OTUD7A: variants seen among roughly 807,000 people sequenced by gnomAD.
The protein encoded by OTUD7A is OTU domain-containing protein 7A.
In OTUD7A, 12 loss-of-function variants were observed where a neutral mutation model predicts 65.7. The observed-to-expected ratio is 0.18, with a 90% confidence interval of 0.12 to 0.30. The LOEUF (loss-of-function observed/expected upper bound fraction) is 0.30. Among genes scored for constraint, OTUD7A ranks in the 10% least tolerant of loss-of-function variants. The pLI is 1.00. For missense variants in OTUD7A, 1,148 were observed against 1,304.8 expected, an observed-to-expected ratio of 0.88 and a Z score of 1.85; for synonymous variants, 641 against 586.3, an observed-to-expected ratio of 1.09 and a Z score of -1.35.
chr15:31,767,348 T>C lies in OTUD7A; in HGVS notation c.-100+103159A>G, dbSNP rs190764595. 5,591 of 776,412 alleles carry C rather than the reference T, an allele frequency of 7.2e-3. 34 individuals carry two copies. Among genetic ancestry groups the C allele is most frequent in the Non-Finnish European group, 1.0e-2 (4,199 of 421,932 alleles). 48.1% of individuals were successfully genotyped at this position (776,412 alleles called of 1,614,324 possible). ...GTAATTCGTAATATTCAAAAGTAAGTAGAGGTTCAGGGAGATCTAGAAAAT... is the reference window on the plus strand; with the variant it reads ...GTAATTCGTAATATTCAAAAGTAAGCAGAGGTTCAGGGAGATCTAGAAAAT... On this transcript the variant is annotated intron_variant, in intron 1 of 12. Transcript: ENST00000307050.
intron 3 of OTUD7A, among the ~76,000 whole-genome samples, chr15:31,582,307 A>G (rs1889397133): frequency 6.6e-6 from 1 of 152,092 alleles, no homozygotes; most frequent in African/African-American, 2.4e-5. Flanking sequence ...ACTTTCCCAC[A>G]TTTTCCTGTC....
intron 1 of OTUD7A, among the ~76,000 whole-genome samples, chr15:31,830,074 T>C (rs1468558672): frequency 6.6e-6 from 1 of 152,184 alleles, no homozygotes; most frequent in Non-Finnish European, 1.5e-5. Flanking sequence ...TACAGTCTCA[T>C]CACCACCATC....
chr15:31,757,304 C>T (rs565200270), intron 1 of OTUD7A, among the ~76,000 whole-genome samples: 7 of 151,454 alleles, frequency 4.6e-5, no homozygotes, highest in South Asian at 2.1e-4. Context: ...ATGGAAATGG[C>T]GCCTTCCTCA....
At chr15:31,495,731 T>C (rs2041373301) in intron 10 of OTUD7A, among the ~76,000 whole-genome samples, 1 of 152,226 alleles carries the variant, frequency 6.6e-6, no homozygotes, top group African/African-American at 2.4e-5. Flanking sequence ...GGGAGACTAA[T>C]TACAAACGTA....
At chr15:31,636,033 T>C (rs1891330762) in intron 3 of OTUD7A, among the ~76,000 whole-genome samples, 1 of 152,248 alleles carries the variant, frequency 6.6e-6, no homozygotes, top group African/African-American at 2.4e-5. Flanking sequence ...AATCGCTTTA[T>C]ACAATTGACA....
chr15:31,667,944 T>A (rs1001009198), intron 1 of OTUD7A, among the ~76,000 whole-genome samples: 1 of 152,192 alleles, frequency 6.6e-6, no homozygotes, highest in Non-Finnish European at 1.5e-5. Context: ...TGAAAATGGT[T>A]TCATTTGAGG....
At chr15:31,628,361 A>G (rs767792578) in intron 3 of OTUD7A, among the ~76,000 whole-genome samples, 183 of 152,234 alleles carry the variant, frequency 1.2e-3, no homozygotes, top group Non-Finnish European at 2.0e-3. Context: ...TCCTTTCCCC[A>G]TTGCTTGTTT....
chr15:31,526,410 G>T lies in OTUD7A; in HGVS notation c.832C>A (p.Leu278Met). ...EEWEREWTEL[L>M]KLASSEPRTH... ...CGCGGCTCGCTGGAGGCCAGCTTCA[G>T]CAGCTCCGTCCACTCCCGCTCCCAC... Residue 278 changes from leucine (L) to methionine (M), a missense_variant, in exon 8 of 13, where the codon CTG becomes ATG. Transcript: ENST00000307050. 1 of 1,602,436 alleles carries T rather than the reference G, an allele frequency of 6.2e-7. No homozygotes were observed. The highest frequency in any genetic ancestry group is 8.5e-7 in the Non-Finnish European group (1 of 1,179,232).
At chr15:31,592,237 A>G (rs1889748097) in intron 3 of OTUD7A, among the ~76,000 whole-genome samples, 1 of 152,198 alleles carries the variant, frequency 6.6e-6, no homozygotes, top group Non-Finnish European at 1.5e-5. Context: ...CATTAAACTT[A>G]GCTTACTTTA....
At chr15:31,810,758 C>G (rs1033811194) in intron 1 of OTUD7A, among the ~76,000 whole-genome samples, 5 of 152,206 alleles carry the variant, frequency 3.3e-5, no homozygotes, top group African/African-American at 1.2e-4. Context: ...AGTAATGGTT[C>G]TCTACTAACT....
rs1887671208 is a variant in OTUD7A at position 31,532,776 on chromosome 15, T to C, written c.551-1968A>G. Among the ~76,000 whole-genome samples, 6 of 151,394 alleles carry C rather than the reference T, an allele frequency of 4.0e-5. No homozygotes were observed. In the South Asian group the frequency reaches 1.3e-3, roughly 32 times the overall value. On this transcript the variant is annotated intron_variant, in intron 5 of 12. Coordinates refer to ENST00000307050, the MANE Select transcript of OTUD7A (RefSeq NM_001382637.1). ...GGTGAAACCCCGTCTCTACCAAAAA[T>C]ACAAAAAATTAGCTGGGCGTGGTGG...
chr15:31,621,459 G>C (rs540415587), intron 3 of OTUD7A, among the ~76,000 whole-genome samples: 6 of 152,094 alleles, frequency 3.9e-5, no homozygotes, highest in Non-Finnish European at 8.8e-5. Flanking sequence ...TCCTGTATTG[G>C]GTGCATATAT....
At chr15:31,509,883 TTG>T (rs1472435415) in intron 8 of OTUD7A, among the ~76,000 whole-genome samples, 1 of 151,894 alleles carries the variant, frequency 6.6e-6, no homozygotes, top group Non-Finnish European at 1.5e-5. Flanking sequence ...TCTTTGATTT[TTG>T]TCTTTTCTAG....
At chr15:31,642,050 T>G (rs916503958) in intron 3 of OTUD7A, among the ~76,000 whole-genome samples, 1 of 152,238 alleles carries the variant, frequency 6.6e-6, no homozygotes, top group African/African-American at 2.4e-5. Context: ...TAGGCTTTTT[T>G]GTAAATACTT....
chr15:31,818,777 A>G lies in OTUD7A; in HGVS notation c.-100+51730T>C, dbSNP rs114431295. On this transcript the variant is annotated intron_variant, in intron 1 of 12. Transcript: ENST00000307050. ...TTATTACTGAAGCATTACAGAACTCATGGTGATTGATACAGAAATGAGCAT... is the reference window on the plus strand; with the variant it reads ...TTATTACTGAAGCATTACAGAACTCGTGGTGATTGATACAGAAATGAGCAT... Among the ~76,000 whole-genome samples the G allele has an allele frequency of 7.0e-3, 1,068 of 152,362 alleles. 15 individuals carry two copies. Among genetic ancestry groups the G allele is most frequent in the African/African-American group, 0.025 (1,028 of 41,580 alleles).
chr15:31,479,671 G>GT lies in OTUD7A; in HGVS notation c.*3622_*3623insA, dbSNP rs1555388192. ...TTTGTGGACACTAAGTGGGGGGGGG[G>GT]GGTGATGGGCCCATGACCCCTCCCC... On this transcript the variant is annotated 3_prime_UTR_variant, in exon 13 of 13. Transcript: ENST00000307050. 1 of 71,972 alleles carries GT rather than the reference G, an allele frequency of 1.4e-5. No individual in the cohort carries two copies. Among genetic ancestry groups the GT allele is most frequent in the African/African-American group, 4.7e-5 (1 of 21,378 alleles). 4.5% of individuals were successfully genotyped at this position (71,972 alleles called of 1,614,324 possible).
intron 1 of OTUD7A, among the ~76,000 whole-genome samples, chr15:31,696,903 C>A (rs1001494645): frequency 6.7e-6 from 1 of 150,268 alleles, no homozygotes. Context: ...GCCCAGGCAT[C>A]AAGGTCAGGG....
At chr15:31,703,897 C>T (rs1014431443) in intron 1 of OTUD7A, among the ~76,000 whole-genome samples, 5 of 149,070 alleles carry the variant, frequency 3.4e-5, no homozygotes, top group Non-Finnish European at 7.5e-5. Flanking sequence ...AAGGAATGAA[C>T]TCTTGATAAC....
At chr15:31,722,246 C>T (rs1893759933) in intron 1 of OTUD7A, among the ~76,000 whole-genome samples, 2 of 152,164 alleles carry the variant, frequency 1.3e-5, no homozygotes, top group African/African-American at 4.8e-5. Flanking sequence ...CAGTCAGTCC[C>T]TCCTCACCTC....
Sources: allele counts gnomAD v4.1 joint callset (sites outside exome capture counted in the v4.1 genomes callset), GRCh38; gene constraint gnomAD v4.1.1; transcripts MANE v1.5; gene names NCBI Gene and HGNC (gene_info 2026-07-23, HGNC 2026-07-21).